The following ZNF667 variants were observed in gnomAD, a reference collection of about 807,000 sequenced individuals.
ZNF667 encodes myocardial ischemic preconditioning upregulated 1 ortholog.
ZNF667 carries 13 observed loss-of-function variants against 31.8 expected under a neutral mutation model. The observed-to-expected ratio is 0.41, with a 90% CI of 0.27 to 0.65. The LOEUF (loss-of-function observed/expected upper bound fraction) is 0.65, where lower values mean the gene tolerates loss of function less well. Ranked by LOEUF, ZNF667 falls within the 30% of genes least tolerant of loss-of-function variation. The pLI is 0.32. For synonymous variants in ZNF667, 228 were observed against 247.1 expected (o/e 0.92, Z 0.73); for missense variants, 642 against 725.6 (o/e 0.88, Z 1.32).
At chr19:56,456,607 T>C (rs1314648747) in intron 6 of ZNF667, among the ~76,000 whole-genome samples, 1 of 152,168 alleles carries the variant, frequency 6.6e-6, no homozygotes, top group Non-Finnish European at 1.5e-5. Flanking sequence ...CTCAGTACTA[T>C]AGAAAACAGG....
intron 1 of ZNF667, among the ~76,000 whole-genome samples, chr19:56,476,054 C>T (rs1459268002): frequency 6.6e-6 from 1 of 152,154 alleles, no homozygotes; most frequent in African/African-American, 2.4e-5. Context: ...GTGCCAAGTT[C>T]TACTTATGCT....
intron 3 of ZNF667, among the ~76,000 whole-genome samples, chr19:56,463,733 C>A (rs975693307): frequency 5.3e-5 from 8 of 152,042 alleles, no homozygotes; most frequent in Admixed American, 1.3e-4. Context: ...GCCATGTTGC[C>A]CAGGCTGGTC....
At chr19:56,462,287 T>C in intron 4 of ZNF667, 51 bp downstream of exon 4, 1 of 1,611,248 alleles carries the variant, frequency 6.2e-7, no homozygotes, top group Non-Finnish European at 8.5e-7. Context: ...ATGGTCCACA[T>C]CTCACAAGAC....
intron 3 of ZNF667, among the ~76,000 whole-genome samples, chr19:56,469,738 GCTT>G (rs1436849433): frequency 2.0e-5 from 3 of 152,166 alleles, no homozygotes; most frequent in Non-Finnish European, 4.4e-5. Flanking sequence ...TGCAGAATTT[GCTT>G]ATTATGCTTA....
chr19:56,465,551 C>G (rs1002864533), intron 3 of ZNF667, among the ~76,000 whole-genome samples: 1 of 152,254 alleles, frequency 6.6e-6, no homozygotes, highest in African/African-American at 2.4e-5. Flanking sequence ...ATTCTCACAT[C>G]TGGTGGCAAG....
In ZNF667 at chr19:56,441,558, G is replaced by T. The variant is rs765056541; in HGVS notation, c.1437C>A (p.Ala479=). 1.9e-6 allele frequency: 3 copies of T among 1,614,148 alleles called. No homozygotes were observed. The highest frequency in any genetic ancestry group is 2.2e-5 in the South Asian group (2 of 91,078). The change falls in exon 7 of 7, where the codon GCC becomes GCA. Residue 479 remains alanine, a synonymous_variant. Coordinates refer to ENST00000504904, the MANE Select transcript of ZNF667 (RefSeq NM_001321356.2). The surrounding 1 kb of genome is among the most constrained non-coding windows in gnomAD (Gnocchi z 4.2). ...GTGTGAGAGATATTCGGTGGCTGAA[G>T]GCTTTTCCACATTCCTCACACTGGT... ...KPYQCEECGK[A]FSHRISLTRH... is the part of the protein sequence containing the mutation.
At chr19:56,459,563 G>C (rs1367686908) in intron 5 of ZNF667, among the ~76,000 whole-genome samples, 1 of 152,128 alleles carries the variant, frequency 6.6e-6, no homozygotes, top group Non-Finnish European at 1.5e-5. Context: ...TCCTTAAAGC[G>C]CTAAAAACCC....
At chr19:56,459,211 G>C (rs899567522) in intron 5 of ZNF667, among the ~76,000 whole-genome samples, 1 of 152,210 alleles carries the variant, frequency 6.6e-6, no homozygotes, top group Non-Finnish European at 1.5e-5. Flanking sequence ...ATAGCCAGTA[G>C]AGTTGTTAAA....
chr19:56,468,512 T>C (rs2043215286), intron 3 of ZNF667: 1 of 152,252 alleles, frequency 6.6e-6, no homozygotes. Flanking sequence ...TCACACATAC[T>C]GGCTGATGTC....
chr19:56,472,082 TC>T lies in ZNF667; in HGVS notation c.-444del. ...CACCTTCCATCACGATTGTGAGGCC[TC>T]CCCAGCCACGTAGAACTGTGAGTCT... On this transcript the variant is annotated 5_prime_UTR_variant, in exon 3 of 7. It removes the in-frame stop codon of an upstream open reading frame in the 5' UTR. Coordinates refer to ENST00000504904, the MANE Select transcript of ZNF667 (RefSeq NM_001321356.2). The T allele has an allele frequency of 6.6e-6, 1 of 152,454 alleles. No homozygotes were observed. Among genetic ancestry groups the T allele is most frequent in the Non-Finnish European group, 1.5e-5 (1 of 68,164 alleles). 9.4% of individuals were successfully genotyped at this position (152,454 alleles called of 1,614,324 possible).
At chr19:56,462,492 GACACACAC>G in intron 3 of ZNF667, 63 bp from the exon 4 acceptor site, 1 of 910,852 alleles carries the variant, frequency 1.1e-6, no homozygotes, top group Non-Finnish European at 1.8e-6. Flanking sequence ...CTAACCTGGA[GACACACAC>G]ACACACAGAC....
At chr19:56,462,533 G>GCA (rs147246257) in intron 3 of ZNF667, 104 bp from the exon 4 acceptor site, 384 of 706,460 alleles carry the variant, frequency 5.4e-4, no homozygotes, top group South Asian at 8.9e-4. Flanking sequence ...ATATGCACGT[G>GCA]CACACACACA....
At chr19:56,444,165 A>G (rs1240026193) in intron 6 of ZNF667, 6 of 398,406 alleles carry the variant, frequency 1.5e-5, no homozygotes, top group African/African-American at 1.2e-4. Flanking sequence ...ATTGCTATAA[A>G]TAAATACTTG....
intron 3 of ZNF667, among the ~76,000 whole-genome samples, chr19:56,470,396 C>T (rs893754218): frequency 2.0e-5 from 3 of 152,238 alleles, no homozygotes; most frequent in Non-Finnish European, 2.9e-5. Context: ...GAAAGCTGTG[C>T]TGGCTCCTTT....
intron 6 of ZNF667, among the ~76,000 whole-genome samples, chr19:56,456,045 G>T (rs1433281093): frequency 6.6e-6 from 1 of 152,140 alleles, no homozygotes; most frequent in Non-Finnish European, 1.5e-5. Context: ...TGTCACTTGG[G>T]AATGACAGAG....
chr19:56,455,656 G>C (rs980555914), intron 6 of ZNF667, among the ~76,000 whole-genome samples: 4 of 152,118 alleles, frequency 2.6e-5, no homozygotes, highest in African/African-American at 9.7e-5. Flanking sequence ...TGGTTAGTGG[G>C]TACAAAAATA....
At chr19:56,451,880 A>AAAAAAAC (rs1568843250) in intron 6 of ZNF667, among the ~76,000 whole-genome samples, 6 of 55,594 alleles carry the variant, frequency 1.1e-4, no homozygotes, top group African/African-American at 3.4e-4. Flanking sequence ...AAAAAAAAAA[A>AAAAAAAC]AAAAAAAAAA....
intron 3 of ZNF667, among the ~76,000 whole-genome samples, chr19:56,467,315 A>G (rs2043184856): frequency 6.6e-6 from 1 of 152,130 alleles, no homozygotes; most frequent in Admixed American, 6.5e-5. Flanking sequence ...CACCTTACAC[A>G]GCAAAAGGAA....
At chr19:56,471,521 C>T (rs1212484630) in intron 3 of ZNF667, among the ~76,000 whole-genome samples, 178 bp downstream of exon 3, 1 of 152,116 alleles carries the variant, frequency 6.6e-6, no homozygotes, top group African/African-American at 2.4e-5. Flanking sequence ...GGCAGATATC[C>T]CTGAAGAGTA....
Sources: gnomAD v4.1 joint callset for allele counts (sites outside exome capture counted in the v4.1 genomes callset) on GRCh38, gnomAD v4.1.1 for gene constraint, Gnocchi (gnomAD v3.1) non-coding constraint, MANE v1.5 for transcripts, NCBI Gene and HGNC (gene_info 2026-07-23, HGNC 2026-07-21) for gene names.